SDK2: variants seen among roughly 807,000 people sequenced by gnomAD.
SDK2 encodes the protein protein sidekick-2.
SDK2 carries 105 observed loss-of-function variants against 253.9 expected under a neutral mutation model. That is an observed-to-expected ratio of 0.41 (90% confidence interval 0.35 to 0.49). The LOEUF (loss-of-function observed/expected upper bound fraction) is 0.49, where lower values mean the gene tolerates loss of function less well. Ranked by LOEUF, SDK2 falls within the 20% of genes least tolerant of loss-of-function variation. The pLI, the probability that SDK2 is intolerant of heterozygous loss-of-function variation, is 0.06. For missense variants in SDK2, 2,608 were observed against 3,003.0 expected (o/e 0.87, Z 3.07); for synonymous variants, 1,249 against 1,234.9 (o/e 1.01, Z -0.24).
At chr17:73,433,446 C>T (rs1369432136) in intron 10 of SDK2, among the ~76,000 whole-genome samples, 1 of 152,168 alleles carries the variant, frequency 6.6e-6, no homozygotes, top group East Asian at 1.9e-4. Context: ...GCCACCATGC[C>T]CGGCTAATTT....
At chr17:73,418,465 G>C (rs1465878148) in intron 16 of SDK2, among the ~76,000 whole-genome samples, 1 of 152,158 alleles carries the variant, frequency 6.6e-6, no homozygotes, top group South Asian at 2.1e-4. Context: ...CCGCCCTTCA[G>C]GATTAGTGAA....
intron 2 of SDK2, among the ~76,000 whole-genome samples, chr17:73,480,326 T>C (rs2145709487): frequency 6.6e-6 from 1 of 152,326 alleles, no homozygotes; most frequent in South Asian, 2.1e-4. Flanking sequence ...TACCTCCTCC[T>C]GCTTCACATA....
At chr17:73,448,808 A>G (rs908113136) in intron 4 of SDK2, among the ~76,000 whole-genome samples, 2 of 151,782 alleles carry the variant, frequency 1.3e-5, no homozygotes, top group Admixed American at 6.6e-5. Flanking sequence ...TTACAGGTGC[A>G]TGCCACCACA....
intron 1 of SDK2, among the ~76,000 whole-genome samples, chr17:73,573,405 C>G (rs148457326): frequency 2.6e-5 from 4 of 152,258 alleles, no homozygotes; most frequent in Middle Eastern, 3.4e-3. Context: ...AGGCCCACAG[C>G]CAGTAGATAG....
chr17:73,549,754 G>A (rs944566111), intron 1 of SDK2, among the ~76,000 whole-genome samples: 7 of 152,306 alleles, frequency 4.6e-5, no homozygotes, highest in African/African-American at 1.4e-4. Context: ...AGGGGATGGG[G>A]GGCAGAGACA....
intron 1 of SDK2, among the ~76,000 whole-genome samples, chr17:73,615,978 A>G (rs986748416): frequency 1.3e-5 from 2 of 152,176 alleles, no homozygotes; most frequent in African/African-American, 4.8e-5. Flanking sequence ...ACATGAACAC[A>G]CAACCCAAAT....
At chr17:73,454,035 C>T (rs2063506233) in intron 4 of SDK2, among the ~76,000 whole-genome samples, 2 of 152,316 alleles carry the variant, frequency 1.3e-5, no homozygotes, top group African/African-American at 4.8e-5. Flanking sequence ...CAAATACTTA[C>T]CATTGTGTTA....
At chr17:73,506,704 GAGGATAAGAGCAGAAAGGAGGGAGTGC>G (rs2063938453) in intron 2 of SDK2, among the ~76,000 whole-genome samples, 1 of 152,242 alleles carries the variant, frequency 6.6e-6, no homozygotes, top group Admixed American at 6.5e-5. Flanking sequence ...GCGGAGGTGG[GAGGATAAGAGCAGAAAGGAGGGAGTGC>G]CTGCCCCAGT....
At chr17:73,556,594 T>C (rs2045147770) in intron 1 of SDK2, among the ~76,000 whole-genome samples, 1 of 152,214 alleles carries the variant, frequency 6.6e-6, no homozygotes, top group African/African-American at 2.4e-5. Flanking sequence ...TTAGGAAAAA[T>C]ATTTGCTGAA....
intron 1 of SDK2, among the ~76,000 whole-genome samples, chr17:73,634,357 G>A (rs370830021): frequency 1.3e-5 from 2 of 152,316 alleles, no homozygotes; most frequent in South Asian, 2.1e-4. Flanking sequence ...CAAGTCAAGC[G>A]ACCTTGGCAA....
chr17:73,528,834 G>C (rs1327437282), intron 1 of SDK2, among the ~76,000 whole-genome samples: 1 of 152,138 alleles, frequency 6.6e-6, no homozygotes, highest in East Asian at 1.9e-4. Context: ...CCATCCCCAG[G>C]CACAGATAAC....
chr17:73,377,087 T>C (rs1408323978), intron 36 of SDK2, among the ~76,000 whole-genome samples: 1 of 149,200 alleles, frequency 6.7e-6, no homozygotes, highest in African/African-American at 2.5e-5. Flanking sequence ...GCCATGGCAC[T>C]GGGGCTCTTC....
At chr17:73,456,136 C>T (rs1243775378) in intron 3 of SDK2, 83 bp from the exon 4 acceptor site, 3 of 1,391,922 alleles carry the variant, frequency 2.2e-6, no homozygotes, top group Non-Finnish European at 2.8e-6. Flanking sequence ...GGAGTGGTGG[C>T]TATGGACGGA....
At chr17:73,355,599 G>T (rs1166530875) in intron 40 of SDK2, among the ~76,000 whole-genome samples, 1 of 152,062 alleles carries the variant, frequency 6.6e-6, no homozygotes, top group Non-Finnish European at 1.5e-5. Context: ...GCCTGCCTTG[G>T]ACTCCCAAAG....
At chr17:73,610,926 C>T (rs1008567895) in intron 1 of SDK2, among the ~76,000 whole-genome samples, 2 of 152,058 alleles carry the variant, frequency 1.3e-5, no homozygotes, top group African/African-American at 2.4e-5. Context: ...GGGGCCTGTG[C>T]CCCCCACCTC....
intron 1 of SDK2, among the ~76,000 whole-genome samples, chr17:73,594,488 G>C (rs1286036270): frequency 2.0e-5 from 3 of 152,158 alleles, no homozygotes; most frequent in East Asian, 1.9e-4. Flanking sequence ...AGAGAGGGAG[G>C]GGGAGAGAGA....
intron 2 of SDK2, among the ~76,000 whole-genome samples, chr17:73,472,559 G>A (rs1320422156): frequency 6.6e-6 from 1 of 152,218 alleles, no homozygotes; most frequent in East Asian, 1.9e-4. Flanking sequence ...TGACTCACAT[G>A]ACTGAGAAAG....
intron 28 of SDK2, among the ~76,000 whole-genome samples, chr17:73,390,963 C>A (rs142707878): frequency 6.6e-6 from 1 of 152,212 alleles, no homozygotes; most frequent in East Asian, 1.9e-4. Context: ...GGCACTGAGG[C>A]CGCAGAGGGG....
At chr17:73,482,606 C>T (rs1057439480) in intron 2 of SDK2, among the ~76,000 whole-genome samples, 6 of 152,214 alleles carry the variant, frequency 3.9e-5, no homozygotes, top group African/African-American at 1.4e-4. Context: ...TGGGGGAAGG[C>T]GTCTGTCGGC....
Sources: gnomAD v4.1 joint callset for allele counts (sites outside exome capture counted in the v4.1 genomes callset) on GRCh38, gnomAD v4.1.1 for gene constraint, MANE v1.5 for transcripts, NCBI Gene and HGNC (gene_info 2026-07-23, HGNC 2026-07-21) for gene names.